The following TCP11L2 variants were observed in gnomAD, a reference collection of about 807,000 sequenced individuals.
TCP11L2 encodes t-complex 11 like 2.
Under a neutral mutation model 50.7 loss-of-function variants are expected in TCP11L2, and 39 were observed. That is an observed-to-expected ratio of 0.77 (90% CI 0.60 to 1.01). The LOEUF is 1.01. Ranked by LOEUF, TCP11L2 falls within the 50% of genes least tolerant of loss-of-function variation. TCP11L2 has a pLI of 0.00. For synonymous variants in TCP11L2, 192 were observed against 219.3 expected, an observed-to-expected ratio of 0.88 and a Z score of 1.10; for missense variants, 612 against 614.7, an observed-to-expected ratio of 1.00 and a Z score of 0.05.
chr12:106,308,289 G>A (rs2034711575), intron 1 of TCP11L2, among the ~76,000 whole-genome samples: 1 of 152,122 alleles, frequency 6.6e-6, no homozygotes, highest in Admixed American at 6.5e-5. Context: ...CCTTATGACT[G>A]GCCCAACCTC....
At chr12:106,309,270 T>C (rs979917894) in intron 1 of TCP11L2, among the ~76,000 whole-genome samples, 4 of 152,162 alleles carry the variant, frequency 2.6e-5, no homozygotes, top group African/African-American at 9.7e-5. Context: ...AGGTAGAATT[T>C]AGTCTTCATG....
chr12:106,318,208 TAAA>T, intron 3 of TCP11L2, 133 bp from the exon 4 acceptor site: 5 of 1,020,314 alleles, frequency 4.9e-6, no homozygotes, highest in Non-Finnish European at 6.9e-6. Flanking sequence ...AGAAAAATAT[TAAA>T]AGATTAATGG....
intron 6 of TCP11L2, among the ~76,000 whole-genome samples, chr12:106,335,164 T>C (rs1204878539): frequency 6.6e-6 from 1 of 152,186 alleles, no homozygotes; most frequent in African/African-American, 2.4e-5. Context: ...TATTTTCTCT[T>C]CAGATTGTAT....
At chr12:106,311,834 T>G (rs187999863) in intron 2 of TCP11L2, among the ~76,000 whole-genome samples, 1 of 152,292 alleles carries the variant, frequency 6.6e-6, no homozygotes, top group Admixed American at 6.5e-5. Context: ...GTTTGCCTTT[T>G]TTTTTTTAAT....
intron 4 of TCP11L2, among the ~76,000 whole-genome samples, chr12:106,319,955 T>C (rs559161309): frequency 1.3e-5 from 2 of 152,374 alleles, no homozygotes; most frequent in East Asian, 3.9e-4. Flanking sequence ...GATATTTTCA[T>C]CTATCCTTTT....
At chr12:106,335,554 A>C (rs899160699) in intron 6 of TCP11L2, 85 bp from the exon 7 acceptor site, 2 of 1,416,264 alleles carry the variant, frequency 1.4e-6, no homozygotes, top group Non-Finnish European at 1.9e-6. Context: ...CATGCCCAGC[A>C]CCCAACACAG....
At chr12:106,309,424 T>C (rs1303746265) in intron 1 of TCP11L2, among the ~76,000 whole-genome samples, 1 of 151,826 alleles carries the variant, frequency 6.6e-6, no homozygotes, top group Non-Finnish European at 1.5e-5. Context: ...ACTCTAGTGG[T>C]TTTCTGCTTG....
At position 106,309,401 on chromosome 12, in the gene TCP11L2, C is replaced by G. The variant is rs570351883; in HGVS notation, c.-35-1640C>G. Among the ~76,000 whole-genome samples, 8 of 152,082 alleles carry G rather than the reference C, an allele frequency of 5.3e-5. 1 individual carries two copies. Among genetic ancestry groups the G allele is most frequent in the African/African-American group, 1.9e-4 (8 of 41,486 alleles). ...CTCCACTCCACTCCTTGCCCTTCAG[C>G]CTGCACAAGTGGACTCTAGTGGTTT... On this transcript the variant is annotated intron_variant, in intron 1 of 9. Transcript: ENST00000299045.
intron 6 of TCP11L2, among the ~76,000 whole-genome samples, chr12:106,334,021 A>T (rs1448704750): frequency 6.6e-6 from 1 of 152,168 alleles, no homozygotes; most frequent in Non-Finnish European, 1.5e-5. Context: ...AGTGAGATTG[A>T]AGAGTACCAA....
intron 9 of TCP11L2, among the ~76,000 whole-genome samples, chr12:106,344,432 G>C (rs986658960): frequency 1.3e-5 from 2 of 152,150 alleles, no homozygotes; most frequent in African/African-American, 4.8e-5. Flanking sequence ...CATATGTCAC[G>C]ATAGTCTGGT....
At chr12:106,329,670 G>T in intron 6 of TCP11L2, 1 of 1,183,188 alleles carries the variant, frequency 8.5e-7, no homozygotes, top group Non-Finnish European at 1.0e-6. Flanking sequence ...ATGCCACACT[G>T]TTGCTTTTGT....
At chr12:106,301,442 T>C (rs1443130818), upstream of TCP11L2, among the ~76,000 whole-genome samples, 3 of 152,236 alleles carry the variant, frequency 2.0e-5, no homozygotes, top group East Asian at 5.8e-4. Flanking sequence ...CTATCATTGT[T>C]ATCCCCAGAG....
At chr12:106,310,943 T>A in intron 1 of TCP11L2, 98 bp from the exon 2 acceptor site, 1 of 1,119,634 alleles carries the variant, frequency 8.9e-7, no homozygotes, top group Admixed American at 2.4e-5. Flanking sequence ...TCCAACACAG[T>A]GACACTTGTG....
chr12:106,342,406 C>A (rs1414168602), intron 9 of TCP11L2, among the ~76,000 whole-genome samples: 8 of 152,116 alleles, frequency 5.3e-5, no homozygotes, highest in Admixed American at 1.3e-4. Flanking sequence ...TGTGGCCAAG[C>A]CCTTATCTAT....
intron 3 of TCP11L2, among the ~76,000 whole-genome samples, chr12:106,315,744 G>A (rs1352226865): frequency 1.3e-5 from 2 of 152,190 alleles, no homozygotes; most frequent in Non-Finnish European, 2.9e-5. Flanking sequence ...CACCCCTTTG[G>A]ATCCTACTTC....
At chr12:106,314,576 T>TGTGTGTGTGTGAGAGA (rs1469308055) in intron 3 of TCP11L2, 83 bp downstream of exon 3, 2 of 282,664 alleles carry the variant, frequency 7.1e-6, no homozygotes, top group African/African-American at 8.0e-5. Context: ...TGTGTGTGTG[T>TGTGTGTGTGTGAGAGA]GAGAGAGAGA....
Position 106,314,467 on chromosome 12 carries a change from G to A in TCP11L2, c.267G>A (p.Leu89=). The A allele has an allele frequency of 6.2e-7, 1 of 1,608,632 alleles. No homozygotes were observed. The highest frequency in any genetic ancestry group is 8.5e-7 in the Non-Finnish European group (1 of 1,176,898). ...TTGCTGTAAATGAGAACTTTCAATT[G>A]AAACAAGAGGCTCTCCCAGAAAAGA... The part of the protein sequence containing the change: ...HEIAVNENFQ[L]KQEALPEKSL... The change falls in exon 3 of 10, where the codon TTG becomes TTA. Residue 89 remains leucine (L), a synonymous_variant. Coordinates refer to ENST00000299045, the MANE Select transcript of TCP11L2 (RefSeq NM_152772.3).
intron 7 of TCP11L2, 71 bp from the exon 8 acceptor site, chr12:106,335,956 AATGAC>A: frequency 6.7e-7 from 1 of 1,497,654 alleles, no homozygotes; most frequent in South Asian, 1.3e-5. Flanking sequence ...GGAATTTGGA[AATGAC>A]ATTGCCTGTT....
intron 4 of TCP11L2, 41 bp downstream of exon 4, chr12:106,318,505 C>G: frequency 6.2e-7 from 1 of 1,607,718 alleles, no homozygotes; most frequent in Non-Finnish European, 8.5e-7. Flanking sequence ...CGTCTTACTC[C>G]AGGTGGGCTG....
Sources: gnomAD v4.1 joint callset for allele counts (sites outside exome capture counted in the v4.1 genomes callset) on GRCh38, gnomAD v4.1.1 for gene constraint, MANE v1.5 for transcripts, NCBI Gene and HGNC (gene_info 2026-07-23, HGNC 2026-07-21) for gene names.